Variants in DNAJC6 observed in about 807,000 individuals in gnomAD.
The protein encoded by DNAJC6 is auxilin.
DNAJC6 carries 34 observed loss-of-function variants against 110.0 expected under a neutral mutation model. That is an observed-to-expected ratio of 0.31 (90% confidence interval 0.24 to 0.41). The LOEUF is 0.41. DNAJC6 is among the 10% of genes least tolerant of loss of function. The probability of loss-of-function intolerance (pLI) is 1.00; values close to 1 mark genes in which losing one functional copy is unlikely to be tolerated. For missense variants in DNAJC6, 1,031 were observed against 1,207.8 expected (o/e 0.85, Z 2.17); for synonymous variants, 406 against 437.2 (o/e 0.93, Z 0.89).
chr1:65,274,503 G>C (rs1200721812), intron 1 of DNAJC6, among the ~76,000 whole-genome samples: 2 of 152,098 alleles, frequency 1.3e-5, no homozygotes, highest in Admixed American at 6.5e-5. Flanking sequence ...TTTTAGTAGA[G>C]ACAGGGTTTT....
intron 1 of DNAJC6, among the ~76,000 whole-genome samples, chr1:65,315,176 T>C (rs1423946521): frequency 6.6e-6 from 1 of 152,246 alleles, no homozygotes; most frequent in Non-Finnish European, 1.5e-5. Flanking sequence ...ACTAATTCTC[T>C]CTTAGTCTTA....
intron 2 of DNAJC6, among the ~76,000 whole-genome samples, 179 bp downstream of exon 2, chr1:65,364,964 C>T (rs979750660): frequency 7.2e-5 from 11 of 152,204 alleles, no homozygotes; most frequent in East Asian, 1.9e-4. Context: ...GCTATAAGCA[C>T]GGGCTGGGAG....
chr1:65,299,377 A>G (rs1644956389), intron 1 of DNAJC6, among the ~76,000 whole-genome samples: 1 of 152,166 alleles, frequency 6.6e-6, no homozygotes. Context: ...AGAGAATTAC[A>G]CGCAAAGGAA....
intron 1 of DNAJC6, 138 bp downstream of exon 1, chr1:65,310,076 A>C: frequency 2.1e-6 from 2 of 973,410 alleles, no homozygotes; most frequent in Non-Finnish European, 2.8e-6. Context: ...GGCTTCTAAT[A>C]CCACCTGGGT....
In DNAJC6 at chr1:65,364,800, C is replaced by T. The variant is rs1645630425; in HGVS notation, c.344+15C>T. The T allele has an allele frequency of 6.2e-7, 1 of 1,611,044 alleles. No homozygotes were observed. The highest frequency in any genetic ancestry group is 1.3e-5 in the African/African-American group (1 of 74,796). On this transcript the variant is annotated intron_variant, in intron 2 of 18. Coordinates refer to ENST00000371069, the MANE Select transcript of DNAJC6 (RefSeq NM_001256864.2). ...TCTGTGACCAGGTACGCACATTCTT[C>T]CCAGTTAATTTAGTGGATCCCCATG...
chr1:65,292,009 A>AT (rs1234829530), intron 1 of DNAJC6, among the ~76,000 whole-genome samples: 1 of 150,522 alleles, frequency 6.6e-6, no homozygotes, highest in Non-Finnish European at 1.5e-5. Flanking sequence ...AAATGTTTTT[A>AT]TTTTTTATTT....
rs376475098 is a variant in DNAJC6 at position 65,383,826 on chromosome 1, C to A, written c.667-367C>A. 2.3e-4 allele frequency among the ~76,000 whole-genome samples: 35 copies of A among 152,302 alleles called. 1 individual carries two copies. The East Asian group carries it at 3.1e-3, about 13-fold the overall frequency. ...GAGATACATATATGCCATATCCCAA[C>A]AAGCAGCATTTACCTAACCTGTGAG... On this transcript the variant is annotated intron_variant, in intron 5 of 18. Coordinates refer to ENST00000371069, the MANE Select transcript of DNAJC6 (RefSeq NM_001256864.2).
At position 65,343,567 on chromosome 1, in the gene DNAJC6, G is replaced by A. The variant is rs1322977865; in HGVS notation, c.194-21068G>A. 2.0e-5 allele frequency among the ~76,000 whole-genome samples: 3 copies of A among 152,228 alleles called. No individual in the cohort carries two copies. In the East Asian group the frequency reaches 5.8e-4, roughly 29 times the overall value. On this transcript the variant is annotated intron_variant, in intron 1 of 18. Coordinates refer to ENST00000371069, the MANE Select transcript of DNAJC6 (RefSeq NM_001256864.2). ...ACTGCATATTAGTCACTTAGTAGTTGTGTAAGTGATGAGATTGACTATCTT... is the reference window on the plus strand; with the variant it reads ...ACTGCATATTAGTCACTTAGTAGTTATGTAAGTGATGAGATTGACTATCTT...
At chr1:65,348,348 A>C (rs1645457372) in intron 1 of DNAJC6, among the ~76,000 whole-genome samples, 1 of 152,124 alleles carries the variant, frequency 6.6e-6, no homozygotes, top group Admixed American at 6.6e-5. Flanking sequence ...TTGTTGTTCA[A>C]ATGTTTTCTT....
At chr1:65,353,818 G>A (rs557694457) in intron 1 of DNAJC6, among the ~76,000 whole-genome samples, 1 of 152,068 alleles carries the variant, frequency 6.6e-6, no homozygotes, top group Non-Finnish European at 1.5e-5. Flanking sequence ...CATCTTTTAG[G>A]CAGGCTTTCT....
At chr1:65,371,782 G>C (rs903951268) in intron 4 of DNAJC6, among the ~76,000 whole-genome samples, 3 of 152,182 alleles carry the variant, frequency 2.0e-5, no homozygotes, top group Non-Finnish European at 4.4e-5. Flanking sequence ...AAGCCCAGGA[G>C]ATGTTCAAGG....
chr1:65,345,789 G>A, intron 1 of DNAJC6: 2 of 573,968 alleles, frequency 3.5e-6, no homozygotes, highest in Non-Finnish European at 4.4e-6. Context: ...GCAGATCCAG[G>A]TTGGCTACCA....
intron 1 of DNAJC6, among the ~76,000 whole-genome samples, chr1:65,302,310 T>G (rs1250315645): frequency 3.0e-5 from 4 of 132,066 alleles, no homozygotes; most frequent in Non-Finnish European, 6.4e-5. Context: ...AATATATATG[T>G]TACAGTATAA....
At chr1:65,389,732 T>C in intron 11 of DNAJC6, 105 bp downstream of exon 11, 1 of 1,263,826 alleles carries the variant, frequency 7.9e-7, no homozygotes, top group Non-Finnish European at 1.1e-6. Flanking sequence ...CACTTAGAGG[T>C]CATTCAATCC....
intron 18 of DNAJC6, among the ~76,000 whole-genome samples, chr1:65,412,174 T>C (rs1289723047): frequency 6.6e-6 from 1 of 152,198 alleles, no homozygotes; most frequent in African/African-American, 2.4e-5. Context: ...TGCCCTCTCT[T>C]GATTATTACT....
chr1:65,355,296 T>C (rs1447231756), intron 1 of DNAJC6, among the ~76,000 whole-genome samples: 3 of 150,732 alleles, frequency 2.0e-5, no homozygotes, highest in Non-Finnish European at 4.4e-5. Flanking sequence ...AGAAAAAGAT[T>C]ATCCTAAGGG....
intron 1 of DNAJC6, among the ~76,000 whole-genome samples, chr1:65,348,335 G>A (rs1019681989): frequency 1.3e-5 from 2 of 152,184 alleles, no homozygotes; most frequent in African/African-American, 4.8e-5. Context: ...GGGCAATGTA[G>A]TATTGTTGTT....
chr1:65,330,341 T>C (rs1645276327), intron 1 of DNAJC6, among the ~76,000 whole-genome samples: 1 of 152,234 alleles, frequency 6.6e-6, no homozygotes, highest in Non-Finnish European at 1.5e-5. Flanking sequence ...TCCTCTACCA[T>C]ATTCTGCCTT....
intron 1 of DNAJC6, among the ~76,000 whole-genome samples, chr1:65,272,158 AT>A (rs1653527930): frequency 6.6e-6 from 1 of 152,146 alleles, no homozygotes; most frequent in Admixed American, 6.5e-5. Flanking sequence ...AAGCTATCAC[AT>A]TTTCACCATT....
Sources: allele counts gnomAD v4.1 joint callset (sites outside exome capture counted in the v4.1 genomes callset), GRCh38; gene constraint gnomAD v4.1.1; transcripts MANE v1.5; gene names NCBI Gene and HGNC (gene_info 2026-07-23, HGNC 2026-07-21).